TMPRSS11D: variants seen among roughly 807,000 people sequenced by gnomAD.
TMPRSS11D encodes the protein transmembrane protease serine 11D.
A neutral mutation model predicts 44.4 loss-of-function variants in TMPRSS11D; 32 were observed. The ratio of observed to expected loss-of-function variants is 0.72; its 90% confidence interval spans 0.54 to 0.97. The LOEUF (loss-of-function observed/expected upper bound fraction) is 0.97, where lower values mean the gene tolerates loss of function less well. TMPRSS11D is among the 50% of genes least tolerant of loss of function. TMPRSS11D has a pLI of 0.00. For missense variants in TMPRSS11D, 446 were observed against 502.6 expected (o/e 0.89, Z 1.08); for synonymous variants, 179 against 177.9 (o/e 1.01, Z -0.05).
intron 9 of TMPRSS11D, 105 bp from the exon 10 acceptor site, chr4:67,822,603 A>G (rs1717675186): frequency 8.0e-7 from 1 of 1,244,656 alleles, no homozygotes; most frequent in South Asian, 1.5e-5. Context: ...TTCATTATAC[A>G]AATAAAGTCA....
At chr4:67,828,504 A>T (rs1717863144) in intron 7 of TMPRSS11D, among the ~76,000 whole-genome samples, 2 of 152,120 alleles carry the variant, frequency 1.3e-5, no homozygotes. Context: ...ACCAACAATT[A>T]ACTGTGAGAA....
chr4:67,882,182 C>G (rs1719336013), intron 1 of TMPRSS11D, among the ~76,000 whole-genome samples: 1 of 152,088 alleles, frequency 6.6e-6, no homozygotes, highest in African/African-American at 2.4e-5. Context: ...AAAAAGCAAT[C>G]AAACCATCCA....
intron 3 of TMPRSS11D, 23 bp downstream of exon 3, chr4:67,854,045 A>C (rs778431715): frequency 7.7e-7 from 1 of 1,304,734 alleles, no homozygotes; most frequent in Non-Finnish European, 1.1e-6. Context: ...TGGAATAAAG[A>C]GCAAAGACAA....
intron 8 of TMPRSS11D, 145 bp from the exon 9 acceptor site, chr4:67,826,019 C>T: frequency 9.9e-7 from 1 of 1,007,036 alleles, no homozygotes; most frequent in South Asian, 2.9e-5. Context: ...TTTGGAGTTT[C>T]TTCGCAGCCA....
chr4:67,876,324 A>C (rs896675781), intron 1 of TMPRSS11D, among the ~76,000 whole-genome samples: 2 of 152,176 alleles, frequency 1.3e-5, no homozygotes, highest in Non-Finnish European at 2.9e-5. Context: ...AAGTACTTAG[A>C]TTCTGTTGTA....
intron 3 of TMPRSS11D, among the ~76,000 whole-genome samples, chr4:67,847,281 TC>T (rs1718382724): frequency 6.6e-6 from 1 of 152,188 alleles, no homozygotes; most frequent in South Asian, 2.1e-4. Context: ...GTATTAAATA[TC>T]TTCTAAGAAG....
At chr4:67,876,389 C>A (rs1171277002) in intron 1 of TMPRSS11D, among the ~76,000 whole-genome samples, 1 of 151,538 alleles carries the variant, frequency 6.6e-6, no homozygotes, top group Non-Finnish European at 1.5e-5. Flanking sequence ...CTAACTTTGG[C>A]TAAAAATAAT....
intron 6 of TMPRSS11D, among the ~76,000 whole-genome samples, chr4:67,834,523 C>T (rs2109665097): frequency 6.9e-6 from 1 of 144,824 alleles, no homozygotes; most frequent in Middle Eastern, 3.6e-3. Flanking sequence ...TTTTTTTGGT[C>T]AGAGAAGTAA....
At chr4:67,854,821 T>C (rs1213932609) in intron 2 of TMPRSS11D, among the ~76,000 whole-genome samples, 1 of 152,230 alleles carries the variant, frequency 6.6e-6, no homozygotes, top group African/African-American at 2.4e-5. Context: ...GCTTTATTGC[T>C]ATTCTACCAA....
chr4:67,835,569 G>A (rs774244743), intron 5 of TMPRSS11D, among the ~76,000 whole-genome samples: 4 of 152,084 alleles, frequency 2.6e-5, no homozygotes, highest in South Asian at 2.1e-4. Flanking sequence ...ATTTAACTGC[G>A]AGCAAAATAT....
chr4:67,872,353 T>C (rs6841984), intron 1 of TMPRSS11D, among the ~76,000 whole-genome samples: 38,632 of 152,024 alleles, frequency 0.25, 5,171 homozygotes, highest in South Asian at 0.37. Context: ...TTTTCTAACC[T>C]TTATTGGCAC....
At position 67,827,502 on chromosome 4, in the gene TMPRSS11D, G is replaced by T. The variant is rs1418054816; in HGVS notation, c.711C>A (p.Asp237Glu). The change falls in exon 8 of 10, where the codon GAC (aspartate) becomes GAA (glutamate). Residue 237 changes from aspartate to glutamate, a missense_variant. Coordinates refer to ENST00000283916, the MANE Select transcript of TMPRSS11D (RefSeq NM_004262.3). Reference sequence around the variant, plus strand: ...TGGAAATACCAGACGTGGCAATCCAGTCACGAGGATTAGAGTTGCTAAAAC... The same window carrying T: ...TGGAAATACCAGACGTGGCAATCCATTCACGAGGATTAGAGTTGCTAAAAC... Reference protein sequence around the residue: ...HCFRSNSNPRDWIATSGISTT... With the variant: ...HCFRSNSNPREWIATSGISTT... 6.2e-7 allele frequency: 1 copy of T among 1,604,894 alleles called. No individual in the cohort carries two copies. Among genetic ancestry groups the T allele is most frequent in the East Asian group, 2.2e-5 (1 of 44,796 alleles).
chr4:67,825,371 G>A (rs187864818), intron 9 of TMPRSS11D, among the ~76,000 whole-genome samples: 4 of 151,968 alleles, frequency 2.6e-5, no homozygotes, highest in African/African-American at 9.7e-5. Flanking sequence ...CCATGTGCCT[G>A]ATATATTTAG....
At chr4:67,871,450 T>C (rs1208191604) in intron 1 of TMPRSS11D, among the ~76,000 whole-genome samples, 2 of 152,200 alleles carry the variant, frequency 1.3e-5, no homozygotes, top group African/African-American at 4.8e-5. Flanking sequence ...TATAGACTGC[T>C]GAGTAGGGTT....
At chr4:67,838,528 A>G (rs575211232) in intron 4 of TMPRSS11D, among the ~76,000 whole-genome samples, 199 bp from the exon 5 acceptor site, 3 of 152,178 alleles carry the variant, frequency 2.0e-5, no homozygotes, top group African/African-American at 7.2e-5. Context: ...TGCACAGAAC[A>G]CTGTACTCAC....
intron 1 of TMPRSS11D, 98 bp downstream of exon 1, chr4:67,883,828 C>T (rs977225203): frequency 1.5e-5 from 14 of 938,946 alleles, no homozygotes; most frequent in Non-Finnish European, 1.6e-5. Context: ...TAGAAGATTG[C>T]TAGACACAGT....
At chr4:67,876,622 A>T (rs189649338) in intron 1 of TMPRSS11D, among the ~76,000 whole-genome samples, 1 of 152,178 alleles carries the variant, frequency 6.6e-6, no homozygotes, top group Non-Finnish European at 1.5e-5. Flanking sequence ...AAATAAAGTG[A>T]TCTGCAGTGA....
At chr4:67,872,643 T>G (rs184018639) in intron 1 of TMPRSS11D, among the ~76,000 whole-genome samples, 144 of 152,334 alleles carry the variant, frequency 9.5e-4, no homozygotes, top group African/African-American at 3.4e-3. Flanking sequence ...AAATTTATCT[T>G]TTAATGATTG....
chr4:67,833,156 C>T, intron 7 of TMPRSS11D, 48 bp downstream of exon 7: 4 of 1,349,920 alleles, frequency 3.0e-6, no homozygotes, highest in Non-Finnish European at 3.8e-6. Flanking sequence ...GTCTTCATGA[C>T]CTGTCTATTC....
Sources: gnomAD v4.1 joint callset for allele counts (sites outside exome capture counted in the v4.1 genomes callset) on GRCh38, gnomAD v4.1.1 for gene constraint, MANE v1.5 for transcripts, NCBI Gene and HGNC (gene_info 2026-07-23, HGNC 2026-07-21) for gene names.